Variants in WHRN observed in about 807,000 individuals in gnomAD.
WHRN encodes the protein CASK-interacting protein CIP98.
WHRN carries 41 observed loss-of-function variants against 68.3 expected under a neutral mutation model. That is an observed-to-expected ratio of 0.60 (90% CI 0.47 to 0.78). The LOEUF (loss-of-function observed/expected upper bound fraction) is 0.78, where lower values mean the gene tolerates loss of function less well. WHRN is among the 30% of genes least tolerant of loss of function. The pLI, the probability that WHRN is intolerant of heterozygous loss-of-function variation, is 0.00. For synonymous variants in WHRN, 560 were observed against 561.3 expected, an observed-to-expected ratio of 1.00 and a Z score of 0.03; for missense variants, 1,243 against 1,244.7, an observed-to-expected ratio of 1.00 and a Z score of 0.02.
At chr9:114,471,176 C>T (rs1292407986) in intron 2 of WHRN, among the ~76,000 whole-genome samples, 1 of 152,136 alleles carries the variant, frequency 6.6e-6, no homozygotes, top group Non-Finnish European at 1.5e-5. Flanking sequence ...CAGCCGGGCC[C>T]AGTGAAAATA....
At chr9:114,419,874 A>G (rs779802918) in intron 7 of WHRN, among the ~76,000 whole-genome samples, 39 of 152,292 alleles carry the variant, frequency 2.6e-4, no homozygotes, top group Non-Finnish European at 4.3e-4. Context: ...TGCAGAGCTC[A>G]GGAAACCTGA....
intron 3 of WHRN, among the ~76,000 whole-genome samples, chr9:114,444,522 AG>A (rs1176439160): frequency 2.0e-5 from 3 of 152,082 alleles, no homozygotes; most frequent in African/African-American, 7.2e-5. Context: ...AACAGTAAAA[AG>A]GGGGGTATAT....
chr9:114,461,453 C>T (rs1243260380), intron 3 of WHRN, among the ~76,000 whole-genome samples: 1 of 152,170 alleles, frequency 6.6e-6, no homozygotes, highest in Non-Finnish European at 1.5e-5. Context: ...GACATCTTTC[C>T]ACATTAATAA....
At chr9:114,445,620 C>T (rs1746713641) in intron 3 of WHRN, among the ~76,000 whole-genome samples, 1 of 152,212 alleles carries the variant, frequency 6.6e-6, no homozygotes. Flanking sequence ...CCTTCTCTAA[C>T]ACCTCCCTCT....
chr9:114,403,763 C>T (rs1208430356), intron 10 of WHRN, 133 bp downstream of exon 10: 1 of 1,161,832 alleles, frequency 8.6e-7, no homozygotes, highest in East Asian at 2.4e-5. Context: ...GTCCAAATCC[C>T]TCCAGTTATA....
intron 1 of WHRN, among the ~76,000 whole-genome samples, chr9:114,502,726 G>A (rs2133451094): frequency 6.6e-6 from 1 of 152,276 alleles, no homozygotes; most frequent in African/African-American, 2.4e-5. Context: ...AGTTACCCAA[G>A]TCTTTTTAAA....
At chr9:114,466,446 G>A in intron 2 of WHRN, 54 bp from the exon 3 acceptor site, 2 of 1,610,778 alleles carry the variant, frequency 1.2e-6, no homozygotes, top group Non-Finnish European at 1.7e-6. Context: ...TCCCTTCCGG[G>A]GACAGCAGGC....
rs369082595 is a variant in WHRN, at chr9:114,491,341, C to T, written c.619-12570G>A. Reference sequence around the variant, plus strand: ...ATCAGCCATTTCCTAAAAACCTACTCGGCCGATGTCTGAAAAATAATGATA... The same window carrying T: ...ATCAGCCATTTCCTAAAAACCTACTTGGCCGATGTCTGAAAAATAATGATA... On this transcript the variant is annotated intron_variant, in intron 1 of 11. Transcript: ENST00000362057. Among the ~76,000 whole-genome samples, 12 of 152,214 alleles carry T rather than the reference C, an allele frequency of 7.9e-5. No individual in the cohort carries two copies. The East Asian group carries it at 1.4e-3, about 17-fold the overall frequency.
intron 3 of WHRN, among the ~76,000 whole-genome samples, chr9:114,460,145 TAAG>T (rs970918833): frequency 1.3e-5 from 2 of 152,232 alleles, no homozygotes; most frequent in African/African-American, 4.8e-5. Flanking sequence ...TGGTGATTTC[TAAG>T]AAGACTCAAT....
chr9:114,426,369 G>T lies in WHRN; in HGVS notation c.1008C>A (p.Asn336Lys). ...GCCTGACAGCCTCGTCGTGTAGGAT[G>T]TTGAGAAAGCTCCGCCCATTCACTT... ...ILEVNGRSFL[N>K]ILHDEAVRLL... The change falls in exon 4 of 12, where the codon AAC (asparagine) becomes AAA (lysine). Residue 336 changes from asparagine to lysine, a missense_variant. Asn to Lys is a moderately conservative substitution (Grantham distance 94). Coordinates refer to ENST00000362057, the MANE Select transcript of WHRN (RefSeq NM_015404.4). 1 of 1,613,482 alleles carries T rather than the reference G, an allele frequency of 6.2e-7. No individual in the cohort carries two copies. Among genetic ancestry groups the T allele is most frequent in the Non-Finnish European group, 8.5e-7 (1 of 1,179,868 alleles).
intron 4 of WHRN, chr9:114,425,727 C>T (rs1836790887): frequency 4.0e-6 from 1 of 251,692 alleles, no homozygotes; most frequent in Non-Finnish European, 7.8e-6. Flanking sequence ...CAAAAGGTGA[C>T]ACATTACACT....
intron 6 of WHRN, among the ~76,000 whole-genome samples, chr9:114,424,088 T>A (rs1337082868): frequency 6.6e-6 from 1 of 152,100 alleles, no homozygotes; most frequent in East Asian, 1.9e-4. Flanking sequence ...GCAATCCAGG[T>A]GATTCTGTGC....
Position 114,504,201 on chromosome 9 carries a change from G to C in WHRN, c.601C>G (p.His201Asp). ...VNDKSLARVT[H>D]AEAVKALKGS... ...AGCCTTACCTTGACGGCCTCCGCGT[G>C]GGTCACCCGGGCCAGGGATTTGTCG... Residue 201 changes from histidine (H) to aspartate (D), a missense_variant, in exon 1 of 12, where the codon CAC becomes GAC. By Grantham distance (81) the His-to-Asp change is moderately conservative. Transcript: ENST00000362057. 6.2e-7 allele frequency: 1 copy of C among 1,614,160 alleles called. No individual in the cohort carries two copies. The highest frequency in any genetic ancestry group is 1.1e-5 in the South Asian group (1 of 91,082).
At chr9:114,450,524 C>T (rs965102180) in intron 3 of WHRN, among the ~76,000 whole-genome samples, 1 of 152,112 alleles carries the variant, frequency 6.6e-6, no homozygotes, top group African/African-American at 2.4e-5. Flanking sequence ...ACCTTCTGAG[C>T]CTCAAGCAAG....
chr9:114,502,213 A>T (rs562391858), intron 1 of WHRN, among the ~76,000 whole-genome samples: 3 of 152,256 alleles, frequency 2.0e-5, no homozygotes, highest in East Asian at 3.9e-4. Flanking sequence ...GCAAGAGCTC[A>T]TTTTGCCAAT....
chr9:114,429,260 C>T (rs1201833386), intron 3 of WHRN, among the ~76,000 whole-genome samples: 1 of 152,192 alleles, frequency 6.6e-6, no homozygotes, highest in Non-Finnish European at 1.5e-5. Context: ...CAACTTTTTG[C>T]TTTGATGACA....
intron 1 of WHRN, among the ~76,000 whole-genome samples, chr9:114,492,974 A>T (rs187697025): frequency 5.9e-5 from 9 of 152,226 alleles, no homozygotes. Context: ...CCAGGATCGC[A>T]TCACAGCACT....
intron 3 of WHRN, among the ~76,000 whole-genome samples, chr9:114,442,701 C>T (rs1838477812): frequency 6.6e-6 from 1 of 152,122 alleles, no homozygotes; most frequent in Non-Finnish European, 1.5e-5. Context: ...CTCTCTTGCT[C>T]CCTCTCTTAC....
intron 7 of WHRN, among the ~76,000 whole-genome samples, chr9:114,421,317 C>T (rs1359025398): frequency 6.6e-6 from 1 of 152,200 alleles, no homozygotes; most frequent in Non-Finnish European, 1.5e-5. Flanking sequence ...TTGCTGTGGG[C>T]CAGTGCCGAG....
Sources: gnomAD v4.1 joint callset for allele counts (sites outside exome capture counted in the v4.1 genomes callset) on GRCh38, gnomAD v4.1.1 for gene constraint, MANE v1.5 for transcripts, NCBI Gene and HGNC (gene_info 2026-07-23, HGNC 2026-07-21) for gene names.